The following GABRA3 variants were observed in gnomAD, a reference collection of about 807,000 sequenced individuals.
The protein encoded by GABRA3 is gamma-aminobutyric acid type A receptor subunit alpha3.
A neutral mutation model predicts 30.1 loss-of-function variants in GABRA3; 10 were observed. The observed-to-expected ratio is 0.33, with a 90% CI of 0.20 to 0.56. The LOEUF is 0.56. GABRA3 is among the 20% of genes least tolerant of loss of function. The pLI is 0.89. For missense variants in GABRA3, 233 were observed against 392.0 expected (o/e 0.59, Z 3.42); for synonymous variants, 151 against 146.8 (o/e 1.03, Z -0.21).
In GABRA3 at chrX:152,451,274, T is replaced by C. The variant is rs1176628672; in HGVS notation, c.-155A>G. 9.0e-6 allele frequency: 1 copy of C among 111,435 alleles called. No homozygotes were observed. Among genetic ancestry groups the C allele is most frequent in the Non-Finnish European group, 1.9e-5 (1 of 53,070 alleles). The allele number at this position is 111,435 out of a possible 1,213,427, so 9.2% of individuals were successfully genotyped here. ...CTGGGTCTCTCTCCTGGTCCCTCTCTCGGTCTGTCTCTCTGGTTTGCTCGC... is the reference window on the plus strand; with the variant it reads ...CTGGGTCTCTCTCCTGGTCCCTCTCCCGGTCTGTCTCTCTGGTTTGCTCGC... On this transcript the variant is annotated 5_prime_UTR_variant, in exon 1 of 10. Coordinates refer to ENST00000370314, the MANE Select transcript of GABRA3 (RefSeq NM_000808.4).
chrX:152,251,003 T>A (rs1938544187), intron 5 of GABRA3: 1 of 241,356 alleles, frequency 4.1e-6, no homozygotes, highest in African/African-American at 3.0e-5. Context: ...GGTTTGTGAC[T>A]TGAGAAAGGT....
At chrX:152,171,760 T>C (rs1324806400) in intron 9 of GABRA3, among the ~76,000 whole-genome samples, 1 of 112,034 alleles carries the variant, frequency 8.9e-6, no homozygotes, top group African/African-American at 3.2e-5. Context: ...TAGGGCAATT[T>C]CCTAACCAAA....
chrX:152,194,412 A>G (rs989010852), intron 8 of GABRA3, among the ~76,000 whole-genome samples: 1 of 101,031 alleles, frequency 9.9e-6, no homozygotes, highest in South Asian at 4.4e-4. Flanking sequence ...AGAATATATA[A>G]ATATTTCAAA....
At chrX:152,176,056 T>C (rs1937071107) in intron 9 of GABRA3, among the ~76,000 whole-genome samples, 1 of 97,496 alleles carries the variant, frequency 1.0e-5, no homozygotes, top group African/African-American at 3.7e-5. Context: ...AGAGTGAGTT[T>C]CCATCTCAAA....
At chrX:152,181,230 A>T (rs184585729) in intron 9 of GABRA3, among the ~76,000 whole-genome samples, 289 of 111,509 alleles carry the variant, frequency 2.6e-3, no homozygotes, top group African/African-American at 9.1e-3. Context: ...TTATAGGTTT[A>T]GTGTACTAGT....
At chrX:152,326,329 A>T (rs1046890776) in intron 3 of GABRA3, among the ~76,000 whole-genome samples, 1 of 111,701 alleles carries the variant, frequency 9.0e-6, no homozygotes, top group Non-Finnish European at 1.9e-5. Context: ...GCAGGCCAAC[A>T]TTCAAATTCG....
chrX:152,295,837 A>C (rs887972552), intron 3 of GABRA3, among the ~76,000 whole-genome samples: 1 of 111,967 alleles, frequency 8.9e-6, no homozygotes, highest in African/African-American at 3.2e-5. Flanking sequence ...GGAATGGAAA[A>C]ATGTCTCCCT....
At chrX:152,258,838 C>T (rs1228191999) in intron 4 of GABRA3, among the ~76,000 whole-genome samples, 1 of 110,669 alleles carries the variant, frequency 9.0e-6, no homozygotes, top group Non-Finnish European at 1.9e-5. Context: ...CTGATTGTCC[C>T]TCCCCCACTC....
intron 1 of GABRA3, among the ~76,000 whole-genome samples, chrX:152,445,833 G>A (rs1237782048): frequency 9.0e-6 from 1 of 111,680 alleles, no homozygotes; most frequent in Admixed American, 9.5e-5. Flanking sequence ...ACAACAAACC[G>A]AGTATCCAAG....
chrX:152,313,085 G>A (rs754253586), intron 3 of GABRA3, among the ~76,000 whole-genome samples: 30 of 110,899 alleles, frequency 2.7e-4, no homozygotes, highest in Admixed American at 1.5e-3. Flanking sequence ...AAGTTGGAAG[G>A]AAAAATAAAT....
rs183463829 is a variant in GABRA3, at chrX:152,351,883, G to A, written c.141-6181C>T. 8.1e-5 allele frequency among the ~76,000 whole-genome samples: 9 copies of A among 111,197 alleles called. No individual in the cohort carries two copies. The East Asian group carries it at 2.6e-3, about 32-fold the overall frequency. On this transcript the variant is annotated intron_variant, in intron 2 of 9. Coordinates refer to ENST00000370314, the MANE Select transcript of GABRA3 (RefSeq NM_000808.4). ...CTATTTTCAACATTACTGTATCTCA[G>A]GGAGAAGGAAGGCCTAAGGAGAGGG...
chrX:152,388,676 G>A (rs4828589), intron 1 of GABRA3, among the ~76,000 whole-genome samples: 28,117 of 111,449 alleles, frequency 0.25, 2,837 homozygotes, highest in Admixed American at 0.38. Context: ...TAATAGTGCT[G>A]GAGCACACAA....
At position 152,238,627 on chromosome X, in the gene GABRA3, C is replaced by A. The variant is rs1189826881; in HGVS notation, c.552-13782G>T. ...AGCTGTGAATCCATCTGGTCCTGGA[C>A]TCTTTTTGGTTGGTAAACTATTGAT... On this transcript the variant is annotated intron_variant, in intron 5 of 9. Transcript: ENST00000370314. 1.1e-4 allele frequency among the ~76,000 whole-genome samples: 12 copies of A among 108,715 alleles called. No homozygotes were observed. The South Asian group carries it at 4.8e-3, about 43-fold the overall frequency. 94.4% of individuals were successfully genotyped at this position (108,715 alleles called of 115,157 possible). A position where few individuals can be genotyped will look rare whatever the true frequency, so the allele number is the denominator to read the frequency against.
At chrX:152,314,055 A>G (rs1939836626) in intron 3 of GABRA3, among the ~76,000 whole-genome samples, 1 of 111,763 alleles carries the variant, frequency 8.9e-6, no homozygotes, top group Non-Finnish European at 1.9e-5. Flanking sequence ...GGTCAAAAGT[A>G]TGACTAACAG....
chrX:152,275,246 TATATAATAAA>T, intron 4 of GABRA3, among the ~76,000 whole-genome samples: 1 of 67,042 alleles, frequency 1.5e-5, no homozygotes, highest in Admixed American at 2.5e-4. Flanking sequence ...TATTTTATTA[TATATAATAAA>T]ATATATATAA....
intron 9 of GABRA3, among the ~76,000 whole-genome samples, chrX:152,174,996 A>G (rs1365145019): frequency 1.8e-5 from 2 of 111,987 alleles, no homozygotes; most frequent in African/African-American, 6.5e-5. Context: ...ATCCAGTTTC[A>G]GCTTTCTCCA....
chrX:152,185,816 A>C (rs1006147502), intron 9 of GABRA3, among the ~76,000 whole-genome samples: 6 of 112,446 alleles, frequency 5.3e-5, no homozygotes, highest in Non-Finnish European at 1.1e-4. Context: ...TGTAGCACAA[A>C]GTAGGCGTAC....
chrX:152,289,665 C>A, intron 3 of GABRA3, among the ~76,000 whole-genome samples: 1 of 110,665 alleles, frequency 9.0e-6, no homozygotes, highest in Non-Finnish European at 1.9e-5. Context: ...ATCCCTCCCC[C>A]TGCCCCCCAC....
At position 152,364,537 on chromosome X, in the gene GABRA3, T is replaced by C. The variant is rs61734348; in HGVS notation, c.34A>G (p.Thr12Ala). 11 of 1,208,954 alleles carry C rather than the reference T, an allele frequency of 9.1e-6. No homozygotes were observed. The East Asian group carries it at 3.3e-4, about 36-fold the overall frequency. Residue 12 changes from threonine to alanine, a missense_variant, in exon 2 of 10, where the codon ACC becomes GCC. Thr to Ala is a moderately conservative substitution (Grantham distance 58). Around this residue, in one of 6 missense-constraint regions of GABRA3, gnomAD observed 69 missense variants for 79.4 expected, o/e 0.87. Transcript: ENST00000370314. ...ATCAGGAAAAGAATCCCAAGGCTGG[T>C]CATGTAACAGTGACTTGTTTGTGTG... ...IITQTSHCYM[T>A]SLGILFLINI...
Sources: allele counts gnomAD v4.1 joint callset (sites outside exome capture counted in the v4.1 genomes callset), GRCh38; gene constraint gnomAD v4.1.1; regional missense constraint gnomAD v4.1.1; transcripts MANE v1.5; gene names NCBI Gene and HGNC (gene_info 2026-07-23, HGNC 2026-07-21).